Variants in SLFN5 observed in about 807,000 individuals in gnomAD.
The protein encoded by SLFN5 is schlafen family member 5.
SLFN5 carries 34 observed loss-of-function variants against 48.5 expected under a neutral mutation model. The observed-to-expected ratio is 0.70, with a 90% confidence interval of 0.53 to 0.93. The LOEUF is 0.93. Among genes scored for constraint, SLFN5 ranks in the 40% least tolerant of loss-of-function variants. The pLI is 0.00. For missense variants in SLFN5, 1,006 were observed against 1,071.3 expected, an observed-to-expected ratio of 0.94 and a Z score of 0.85; for synonymous variants, 387 against 396.2, an observed-to-expected ratio of 0.98 and a Z score of 0.28.
At chr17:35,257,761 C>T (rs765652031) in intron 1 of SLFN5, among the ~76,000 whole-genome samples, 8 of 152,008 alleles carry the variant, frequency 5.3e-5, no homozygotes, top group Non-Finnish European at 1.0e-4. Context: ...AAGCTGACGT[C>T]GTTGCTATGT....
chr17:35,267,418 A>T lies in SLFN5; in HGVS notation c.*1530A>T, dbSNP rs1376939921. The T allele has an allele frequency of 6.6e-6, 1 of 152,206 alleles. No individual in the cohort carries two copies. The highest frequency in any genetic ancestry group is 2.4e-5 in the African/African-American group (1 of 41,448). 9.4% of individuals were successfully genotyped at this position (152,206 alleles called of 1,614,324 possible). On this transcript the variant is annotated 3_prime_UTR_variant, in exon 5 of 5. Transcript: ENST00000299977. ...ATTTAAAAACTAGAAAAGGTTGGGC[A>T]TGGTGGCTCATGCTTGTGATCCCAG...
rs113644060 is a variant in SLFN5, at chr17:35,265,304, C to A, written c.2092C>A (p.Pro698Thr). Residue 698 changes from proline (P) to threonine (T), a missense_variant, in exon 5 of 5, where the codon CCT becomes ACT. Physicochemically the swap from Pro to Thr is conservative, Grantham distance 38. Transcript: ENST00000299977. ...TCACTTGAGTTGCAGTGGCCTCCCC[C>A]CTCCCTCAGACCAGTATCCAAGAGA... Reference protein sequence around the residue: ...TYHLSCSGLPPPSDQYPREEI... With the variant: ...TYHLSCSGLPTPSDQYPREEI... The A allele has an allele frequency of 5.1e-5, 82 of 1,614,032 alleles. No individual in the cohort carries two copies. The highest frequency in any genetic ancestry group is 3.3e-4 in the Middle Eastern group (2 of 6,084).
In SLFN5 at chr17:35,259,066, G is replaced by C; in HGVS notation, c.376G>C (p.Asp126His). Reference protein sequence around the residue: ...NLYHRERTSTDVMDSQEALAF... With the variant: ...NLYHRERTSTHVMDSQEALAF... ...GTACCACAGAGAGAGAACATCCACC[G>C]ATGTCATGGATTCTCAGGAAGCTCT... Residue 126 changes from aspartate (D) to histidine (H), a missense_variant, in exon 2 of 5, where the codon GAT becomes CAT. Asp to His is a moderately conservative substitution (Grantham distance 81, BLOSUM62 -1). Transcript: ENST00000299977. 6.2e-7 allele frequency: 1 copy of C among 1,614,138 alleles called. No homozygotes were observed. The highest frequency in any genetic ancestry group is 8.5e-7 in the Non-Finnish European group (1 of 1,180,016).
chr17:35,270,635 A>G lies in SLFN5; in HGVS notation c.*4747A>G, dbSNP rs1597659574. 2.0e-5 allele frequency: 3 copies of G among 152,210 alleles called. No individual in the cohort carries two copies. Among genetic ancestry groups the G allele is most frequent in the Admixed American group, 2.0e-4 (3 of 15,284 alleles). The allele number at this position is 152,210 out of a possible 1,614,324, so 9.4% of individuals were successfully genotyped here. A position where few individuals can be genotyped will look rare whatever the true frequency, so the allele number is the denominator to read the frequency against. On this transcript the variant is annotated 3_prime_UTR_variant, in exon 5 of 5. Coordinates refer to ENST00000299977, the MANE Select transcript of SLFN5 (RefSeq NM_144975.4). ...CAAAGCCTAGAACTAAAAAACCCATACCTCAGGGTTTGTCAGCATTGGCAC... is the reference window on the plus strand; with the variant it reads ...CAAAGCCTAGAACTAAAAAACCCATGCCTCAGGGTTTGTCAGCATTGGCAC...
At position 35,265,222 on chromosome 17, in the gene SLFN5, G is replaced by C; in HGVS notation, c.2010G>C (p.Gln670His). 6.2e-7 allele frequency: 1 copy of C among 1,614,200 alleles called. No homozygotes were observed. Among genetic ancestry groups the C allele is most frequent in the Non-Finnish European group, 8.5e-7 (1 of 1,180,040 alleles). Residue 670 changes from glutamine to histidine, a missense_variant, in exon 5 of 5, where the codon CAG becomes CAC. Gln to His is a conservative substitution (Grantham distance 24, BLOSUM62 0). Coordinates refer to ENST00000299977, the MANE Select transcript of SLFN5 (RefSeq NM_144975.4). ...DWYGKAKFIT[Q>H]TARDGPGVLW... ...ATGGGAAAGCAAAGTTCATCACTCA[G>C]ACAGCAAGGGATGGCCCAGGAGTTC...
intron 1 of SLFN5, among the ~76,000 whole-genome samples, chr17:35,244,707 C>T (rs747721143): frequency 6.6e-6 from 1 of 152,078 alleles, no homozygotes; most frequent in Non-Finnish European, 1.5e-5. Flanking sequence ...TGGTGGATCA[C>T]GTGAGGTGGG....
intron 1 of SLFN5, among the ~76,000 whole-genome samples, chr17:35,256,467 C>T (rs1311790906): frequency 6.6e-6 from 1 of 152,018 alleles, no homozygotes; most frequent in Non-Finnish European, 1.5e-5. Context: ...TTTTGAACAG[C>T]AATCCTTTGA....
chr17:35,249,254 A>G (rs772462109), intron 1 of SLFN5, among the ~76,000 whole-genome samples: 3 of 152,218 alleles, frequency 2.0e-5, no homozygotes, highest in Admixed American at 1.3e-4. Flanking sequence ...ATTTTGAAAG[A>G]GCTTTAGAAC....
At chr17:35,253,521 G>A (rs2092447575) in intron 1 of SLFN5, among the ~76,000 whole-genome samples, 1 of 151,744 alleles carries the variant, frequency 6.6e-6, no homozygotes, top group Non-Finnish European at 1.5e-5. Flanking sequence ...ACAGGTGCAT[G>A]CCACCATGCT....
In SLFN5 at chr17:35,265,936, T is replaced by C. The variant is rs1172250718; in HGVS notation, c.*48T>C. 1 of 1,512,258 alleles carries C rather than the reference T, an allele frequency of 6.6e-7. No individual in the cohort carries two copies. The highest frequency in any genetic ancestry group is 1.4e-5 in the African/African-American group (1 of 71,676). The allele number at this position is 1,512,258 out of a possible 1,614,324, so 93.7% of individuals were successfully genotyped here. ...CAATTAAGTGGTTCTCATCTCTAAT[T>C]AACTGTGAAACCATTTAATCCAAAC... is the stretch of plus-strand genomic sequence containing the variant. On this transcript the variant is annotated 3_prime_UTR_variant, in exon 5 of 5. Coordinates refer to ENST00000299977, the MANE Select transcript of SLFN5 (RefSeq NM_144975.4).
rs1331717878 is a variant in SLFN5 at position 35,272,014 on chromosome 17, C to T, written c.*6126C>T. 3 of 147,944 alleles carry T rather than the reference C, an allele frequency of 2.0e-5. No homozygotes were observed. Among genetic ancestry groups the T allele is most frequent in the African/African-American group, 5.1e-5 (2 of 38,870 alleles). The allele number at this position is 147,944 out of a possible 1,614,324, so 9.2% of individuals were successfully genotyped here. ...ATCACTGCACTCCAGTCTGGGCAGC[C>T]AGAGTGAGACCCTGTCTCAAAAAAA... On this transcript the variant is annotated 3_prime_UTR_variant, in exon 5 of 5. Transcript: ENST00000299977.
intron 1 of SLFN5, among the ~76,000 whole-genome samples, chr17:35,251,284 G>A (rs2142689077): frequency 6.6e-6 from 1 of 152,254 alleles, no homozygotes; most frequent in South Asian, 2.1e-4. Context: ...ATTGGTTTAG[G>A]GCATTAGCTG....
intron 1 of SLFN5, among the ~76,000 whole-genome samples, chr17:35,250,073 C>A (rs1485720056): frequency 6.6e-6 from 1 of 152,138 alleles, no homozygotes; most frequent in East Asian, 1.9e-4. Flanking sequence ...TCCTGTCCCG[C>A]CAGCAAAGAA....
Position 35,271,352 on chromosome 17 carries a change from G to A in SLFN5, c.*5464G>A, listed in dbSNP as rs984038977. ...GAAAAAATGAATTGAGAAGAAAGTAGTGGTTTTAAGAAGGAAAGGAGAACA... is the reference window on the plus strand; with the variant it reads ...GAAAAAATGAATTGAGAAGAAAGTAATGGTTTTAAGAAGGAAAGGAGAACA... On this transcript the variant is annotated 3_prime_UTR_variant, in exon 5 of 5. Transcript: ENST00000299977. 1.3e-5 allele frequency: 2 copies of A among 152,166 alleles called. No individual in the cohort carries two copies. Among genetic ancestry groups the A allele is most frequent in the Admixed American group, 1.3e-4 (2 of 15,276 alleles). The allele number at this position is 152,166 out of a possible 1,614,324, so 9.4% of individuals were successfully genotyped here. A position where few individuals can be genotyped will look rare whatever the true frequency, so the allele number is the denominator to read the frequency against.
At chr17:35,247,922 C>T (rs778644234) in intron 1 of SLFN5, among the ~76,000 whole-genome samples, 6 of 152,200 alleles carry the variant, frequency 3.9e-5, no homozygotes, top group Non-Finnish European at 8.8e-5. Context: ...GAGAGCTTCA[C>T]TTTGGTCCAC....
chr17:35,255,514 C>T (rs1354216222), intron 1 of SLFN5, among the ~76,000 whole-genome samples: 1 of 152,212 alleles, frequency 6.6e-6, no homozygotes, highest in African/African-American at 2.4e-5. Context: ...ATCTGTGTGT[C>T]TCTCAGAGTT....
chr17:35,260,714 AAAT>A (rs1173955754), intron 2 of SLFN5, among the ~76,000 whole-genome samples: 3 of 152,254 alleles, frequency 2.0e-5, no homozygotes, highest in Non-Finnish European at 2.9e-5. Context: ...CTGTTTCAAT[AAAT>A]AAATAAATAA....
chr17:35,256,925 C>T (rs1421726705), intron 1 of SLFN5, among the ~76,000 whole-genome samples: 2 of 152,178 alleles, frequency 1.3e-5, no homozygotes, highest in Non-Finnish European at 2.9e-5. Flanking sequence ...GCATTACCGC[C>T]TGAGCTTTGC....
chr17:35,272,803 A>G lies in SLFN5; in HGVS notation c.*6915A>G, dbSNP rs1002630498. On this transcript the variant is annotated 3_prime_UTR_variant, in exon 5 of 5. Coordinates refer to ENST00000299977, the MANE Select transcript of SLFN5 (RefSeq NM_144975.4). ...CATTACTCATGATAGCAGAAGTATCAATTGACAAAATTACTCAGATTGGTA... is the reference window on the plus strand; with the variant it reads ...CATTACTCATGATAGCAGAAGTATCGATTGACAAAATTACTCAGATTGGTA... The G allele has an allele frequency of 5.9e-5, 9 of 152,234 alleles. No individual in the cohort carries two copies. Among genetic ancestry groups the G allele is most frequent in the Admixed American group, 3.3e-4 (5 of 15,282 alleles). The allele number at this position is 152,234 out of a possible 1,614,324, so 9.4% of individuals were successfully genotyped here.
Sources: gnomAD v4.1 joint callset for allele counts (sites outside exome capture counted in the v4.1 genomes callset) on GRCh38, gnomAD v4.1.1 for gene constraint, MANE v1.5 for transcripts, NCBI Gene and HGNC (gene_info 2026-07-23, HGNC 2026-07-21) for gene names.